The following UBE3A variants were observed in gnomAD, a reference collection of about 807,000 sequenced individuals.
UBE3A encodes ubiquitin-protein ligase E3A.
UBE3A carries 6 observed loss-of-function variants against 83.4 expected under a neutral mutation model. That is an observed-to-expected ratio of 0.07 (90% CI 0.04 to 0.14). The LOEUF is 0.14. Ranked by LOEUF, UBE3A falls within the 10% of genes least tolerant of loss-of-function variation. The pLI, the probability that UBE3A is intolerant of heterozygous loss-of-function variation, is 1.00. For synonymous variants in UBE3A, 337 were observed against 355.4 expected, an observed-to-expected ratio of 0.95 and a Z score of 0.58; for missense variants, 456 against 1,036.1, an observed-to-expected ratio of 0.44 and a Z score of 7.69.
intron 1 of UBE3A, among the ~76,000 whole-genome samples, chr15:25,422,868 CAT>C (rs1890239844): frequency 6.7e-6 from 1 of 149,922 alleles, no homozygotes; most frequent in South Asian, 2.1e-4. Flanking sequence ...TATAGTGGCA[CAT>C]GTCTATAATC....
At chr15:25,369,467 G>A (rs971551731) in intron 6 of UBE3A, among the ~76,000 whole-genome samples, 3 of 149,912 alleles carry the variant, frequency 2.0e-5, no homozygotes, top group Non-Finnish European at 4.4e-5. Flanking sequence ...ATGAATTCTC[G>A]AATTTAGACA....
intron 4 of UBE3A, among the ~76,000 whole-genome samples, chr15:25,396,901 C>T (rs978587515): frequency 3.3e-5 from 5 of 152,090 alleles, no homozygotes; most frequent in Middle Eastern, 3.4e-3. Flanking sequence ...GCATTCAAGG[C>T]GTTACTTAAA....
intron 11 of UBE3A, among the ~76,000 whole-genome samples, chr15:25,351,420 TC>T (rs2076486918): frequency 6.6e-6 from 1 of 152,206 alleles, no homozygotes; most frequent in African/African-American, 2.4e-5. Context: ...TTTAAGTTAT[TC>T]CTACAAACCA....
intron 6 of UBE3A, among the ~76,000 whole-genome samples, chr15:25,361,126 CTTTTTTT>C (rs10713541): frequency 8.7e-6 from 1 of 115,402 alleles, no homozygotes; most frequent in Non-Finnish European, 1.9e-5. Context: ...TGTCCTTACT[CTTTTTTT>C]TTTTTTTTTT....
chr15:25,372,548 A>G (rs537033431), intron 5 of UBE3A, among the ~76,000 whole-genome samples: 82 of 152,360 alleles, frequency 5.4e-4, no homozygotes, highest in African/African-American at 1.9e-3. Flanking sequence ...TGTAGTCATC[A>G]AAATCTATTT....
At chr15:25,358,400 T>C (rs2248498) in intron 7 of UBE3A, among the ~76,000 whole-genome samples, 3,724 of 151,614 alleles carry the variant, frequency 0.025, 50 homozygotes, top group Non-Finnish European at 0.04. Context: ...AAATAAAAGA[T>C]TAAAAAAAAG....
Position 25,409,091 on chromosome 15 carries a change from T to C in UBE3A, c.17A>G (p.Lys6Arg). The change falls in exon 3 of 13, where the codon AAA becomes AGA. Residue 6 changes from lysine (K) to arginine (R), a missense_variant. By Grantham distance (26) the Lys-to-Arg change is conservative (BLOSUM62 2). This residue lies in a region of UBE3A where 23 missense variants were observed against 18.6 expected (regional missense o/e 1.24). Coordinates refer to ENST00000648336, the MANE Select transcript of UBE3A (RefSeq NM_130839.5). MATAC[K>R]RSGEPQSDDI... is the part of the protein sequence containing the mutation. ...CTGTAAAATAATTCAAAATTACCTT[T>C]TACAAGCTGTGGCCATTCGGTGACA... is the stretch of plus-strand genomic sequence containing the variant. The C allele has an allele frequency of 6.3e-7, 1 of 1,591,226 alleles. No homozygotes were observed. Among genetic ancestry groups the C allele is most frequent in the Non-Finnish European group, 8.6e-7 (1 of 1,167,434 alleles).
At chr15:25,347,427 C>A (rs958511251) in intron 11 of UBE3A, among the ~76,000 whole-genome samples, 3 of 152,156 alleles carry the variant, frequency 2.0e-5, no homozygotes, top group African/African-American at 7.2e-5. Flanking sequence ...GAAGGCCAGG[C>A]ATGGTGGCTC....
At chr15:25,359,923 A>G (rs1451609305) in intron 7 of UBE3A, among the ~76,000 whole-genome samples, 1 of 152,198 alleles carries the variant, frequency 6.6e-6, no homozygotes, top group East Asian at 1.9e-4. Context: ...GAAATCTTAT[A>G]GCAAATAAAC....
intron 1 of UBE3A, among the ~76,000 whole-genome samples, chr15:25,423,566 A>G (rs1341686298): frequency 6.6e-6 from 1 of 152,218 alleles, no homozygotes; most frequent in Non-Finnish European, 1.5e-5. Context: ...TCAGTTCTAA[A>G]GATTGAGAGA....
At chr15:25,425,380 G>C (rs78080621) in intron 1 of UBE3A, among the ~76,000 whole-genome samples, 3 of 152,148 alleles carry the variant, frequency 2.0e-5, no homozygotes, top group African/African-American at 7.2e-5. Context: ...TTCAATAGTG[G>C]TGATGGCTGC....
chr15:25,418,701 T>C (rs994986963), intron 1 of UBE3A: 2 of 152,144 alleles, frequency 1.3e-5, no homozygotes, highest in East Asian at 3.9e-4. Flanking sequence ...AAATGGTATA[T>C]GTGGTCAACT....
chr15:25,398,167 C>CAAAAAAAAAAAAAAAAAAAAAAA, intron 4 of UBE3A, among the ~76,000 whole-genome samples: 1 of 99,170 alleles, frequency 1.0e-5, no homozygotes, highest in Non-Finnish European at 1.8e-5. Flanking sequence ...GACTCTGTCT[C>CAAAAAAAAAAAAAAAAAAAAAAA]AAAAAAAAAA....
At chr15:25,419,036 T>C (rs182987891) in intron 1 of UBE3A, 2 of 152,324 alleles carry the variant, frequency 1.3e-5, no homozygotes, top group Admixed American at 6.5e-5. Flanking sequence ...TGTAATGCTA[T>C]GTAAACAGTT....
intron 1 of UBE3A, among the ~76,000 whole-genome samples, chr15:25,429,757 T>C: frequency 6.6e-6 from 1 of 151,732 alleles, no homozygotes; most frequent in Non-Finnish European, 1.5e-5. Context: ...GTAATCCCAG[T>C]GCTTTCAGAG....
rs564686404 is a variant in UBE3A, at chr15:25,376,249, C to T, written c.63-486G>A. On this transcript the variant is annotated intron_variant, in intron 4 of 12. Coordinates refer to ENST00000648336, the MANE Select transcript of UBE3A (RefSeq NM_130839.5). Reference sequence around the variant, plus strand: ...TTGACTTATAGTTAACACAGAATATCTATCTGGAATAAAAACTATTTTTCC... The same window carrying T: ...TTGACTTATAGTTAACACAGAATATTTATCTGGAATAAAAACTATTTTTCC... Among the ~76,000 whole-genome samples, 12 of 152,308 alleles carry T rather than the reference C, an allele frequency of 7.9e-5. No individual in the cohort carries two copies. The South Asian group carries it at 2.5e-3, about 32-fold the overall frequency.
intron 4 of UBE3A, among the ~76,000 whole-genome samples, chr15:25,398,770 TTTATATATATATATATA>T (rs1567067015): frequency 3.6e-5 from 3 of 83,624 alleles, no homozygotes; most frequent in African/African-American, 1.4e-4. Flanking sequence ...TATTCTTTTA[TTTATATATATATATATA>T]TATATATATA....
intron 1 of UBE3A, among the ~76,000 whole-genome samples, chr15:25,412,558 T>C (rs2090187859): frequency 6.6e-6 from 1 of 152,112 alleles, no homozygotes; most frequent in South Asian, 2.1e-4. Context: ...TTAATATATA[T>C]CAAAACTTAA....
At chr15:25,346,484 A>C (rs1414224350) in intron 11 of UBE3A, 2 of 152,192 alleles carry the variant, frequency 1.3e-5, no homozygotes, top group African/African-American at 4.8e-5. Flanking sequence ...CCGAGACACA[A>C]TCCAAAAATT....
Sources: gnomAD v4.1 joint callset for allele counts (sites outside exome capture counted in the v4.1 genomes callset) on GRCh38, gnomAD v4.1.1 for gene constraint, gnomAD v4.1.1 regional missense constraint, MANE v1.5 for transcripts, NCBI Gene and HGNC (gene_info 2026-07-23, HGNC 2026-07-21) for gene names.